The following NHS variants were observed in gnomAD, a reference collection of about 807,000 sequenced individuals.
NHS encodes NHS actin remodeling regulator, also known as actin remodeling regulator NHS.
In NHS, 5 loss-of-function variants were observed where a neutral mutation model predicts 72.5. The observed-to-expected ratio is 0.07, with a 90% CI of 0.04 to 0.14. The LOEUF is 0.14. NHS is among the 10% of genes least tolerant of loss of function. NHS has a pLI of 1.00. For missense variants in NHS, 1,072 were observed against 1,355.7 expected, an observed-to-expected ratio of 0.79 and a Z score of 3.29; for synonymous variants, 464 against 547.7, an observed-to-expected ratio of 0.85 and a Z score of 2.13.
intron 1 of NHS, among the ~76,000 whole-genome samples, chrX:17,498,340 C>T (rs1432825375): frequency 9.0e-6 from 1 of 110,965 alleles, no homozygotes; most frequent in East Asian, 2.9e-4. Flanking sequence ...GAGAGATATC[C>T]CTTTGATGGC....
intron 1 of NHS, among the ~76,000 whole-genome samples, chrX:17,630,916 G>A (rs1391591126): frequency 8.9e-6 from 1 of 112,033 alleles, no homozygotes; most frequent in Non-Finnish European, 1.9e-5. Context: ...TGGGTCTGGA[G>A]TGAGGCCTGA....
chrX:17,402,972 C>G (rs946490566), intron 1 of NHS, among the ~76,000 whole-genome samples: 1 of 112,093 alleles, frequency 8.9e-6, no homozygotes, highest in African/African-American at 3.2e-5. Flanking sequence ...TGGCTGAACA[C>G]AAGAAAACTT....
At chrX:17,531,514 T>A (rs936652530) in intron 1 of NHS, among the ~76,000 whole-genome samples, 1 of 112,261 alleles carries the variant, frequency 8.9e-6, no homozygotes, top group African/African-American at 3.2e-5. Context: ...GTCCAGTCTC[T>A]TTTCTACTAT....
intron 1 of NHS, among the ~76,000 whole-genome samples, chrX:17,541,034 T>G (rs1397880333): frequency 8.9e-6 from 1 of 111,832 alleles, no homozygotes; most frequent in African/African-American, 3.3e-5. Context: ...ATTGCACCAA[T>G]GTACTCCAAC....
At position 17,727,610 on chromosome X, in the gene NHS, C is replaced by T. The variant is rs764054077; in HGVS notation, c.3504C>T (p.Ser1168=). The part of the protein sequence containing the change: ...NNTDLPYLEE[S]TLTTAALSPS... ...CAGATCTCCCTTATTTAGAGGAAAG[C>T]ACACTCACAACGGCTGCCTTGTCTC... The change falls in exon 7 of 9, where the codon AGC becomes AGT. Residue 1168 remains serine (S), a synonymous_variant. Transcript: ENST00000676302. 1 of 1,211,262 alleles carries T rather than the reference C, an allele frequency of 8.3e-7. No homozygotes were observed. The highest frequency in any genetic ancestry group is 1.1e-6 in the Non-Finnish European group (1 of 894,955).
Position 17,721,501 on chromosome X carries a change from A to G in NHS, c.976A>G (p.Ile326Val), listed in dbSNP as rs917356758. The change falls in exon 5 of 9, where the codon ATA becomes GTA. Residue 326 changes from isoleucine to valine, a missense_variant. Coordinates refer to ENST00000676302, the MANE Select transcript of NHS (RefSeq NM_001291867.2). ...GTTAGGGCAGAGGCCGAAAAACCCA[A>G]TACACAATATCCCTTCCACACTGGA... is the stretch of plus-strand genomic sequence containing the variant. ...VMLGQRPKNP[I>V]HNIPSTLDKQ... The G allele has an allele frequency of 5.0e-6, 6 of 1,209,749 alleles. No homozygotes were observed. The highest frequency in any genetic ancestry group is 2.2e-5 in the Admixed American group (1 of 45,672).
At chrX:17,610,981 C>G (rs896908990) in intron 1 of NHS, among the ~76,000 whole-genome samples, 3 of 112,442 alleles carry the variant, frequency 2.7e-5, no homozygotes, top group African/African-American at 9.7e-5. Context: ...CATTTAGAAA[C>G]TTTTACTGGC....
At chrX:17,516,571 G>GCA (rs765423925) in intron 1 of NHS, among the ~76,000 whole-genome samples, 20,894 of 91,513 alleles carry the variant, frequency 0.23, 2,182 homozygotes, top group South Asian at 0.33. Context: ...ACACACACGC[G>GCA]CACACACACA....
intron 1 of NHS, among the ~76,000 whole-genome samples, chrX:17,400,130 A>G (rs963020395): frequency 8.9e-6 from 1 of 111,983 alleles, no homozygotes; most frequent in African/African-American, 3.2e-5. Context: ...AAGCATCTTT[A>G]CTCACAGATG....
At chrX:17,457,038 G>A (rs1296545159) in intron 1 of NHS, among the ~76,000 whole-genome samples, 4 of 111,935 alleles carry the variant, frequency 3.6e-5, no homozygotes, top group African/African-American at 1.3e-4. Flanking sequence ...GATGAAGATA[G>A]TGTTGATAAT....
intron 1 of NHS, among the ~76,000 whole-genome samples, chrX:17,457,601 G>C (rs1259997620): frequency 9.0e-6 from 1 of 111,662 alleles, no homozygotes; most frequent in Non-Finnish European, 1.9e-5. Flanking sequence ...ATGAGCTTTG[G>C]AGGAAACAAA....
intron 1 of NHS, among the ~76,000 whole-genome samples, chrX:17,500,182 G>C (rs2065031024): frequency 8.9e-6 from 1 of 112,122 alleles, no homozygotes; most frequent in African/African-American, 3.2e-5. Flanking sequence ...CTGATAACCA[G>C]GATAAGTGGC....
At chrX:17,396,873 C>T in intron 1 of NHS, among the ~76,000 whole-genome samples, 1 of 111,510 alleles carries the variant, frequency 9.0e-6, no homozygotes, top group Admixed American at 9.5e-5. Flanking sequence ...TATTGCTTTA[C>T]CCCAGCAATG....
At chrX:17,488,896 C>T (rs928828780) in intron 1 of NHS, among the ~76,000 whole-genome samples, 22 of 110,635 alleles carry the variant, frequency 2.0e-4, no homozygotes, top group Non-Finnish European at 2.6e-4. Flanking sequence ...CACCCATCAA[C>T]CCGTCATCTA....
At chrX:17,565,266 C>T (rs1325780179) in intron 1 of NHS, among the ~76,000 whole-genome samples, 2 of 111,624 alleles carry the variant, frequency 1.8e-5, no homozygotes, top group Non-Finnish European at 3.8e-5. Context: ...CGGCCAGCAC[C>T]ACTAACCAGG....
At chrX:17,486,266 C>T (rs1429522389) in intron 1 of NHS, among the ~76,000 whole-genome samples, 7 of 112,095 alleles carry the variant, frequency 6.2e-5, no homozygotes, top group Admixed American at 2.8e-4. Flanking sequence ...TAAGATTTAA[C>T]ATTACAACCT....
chrX:17,379,102 C>A (rs1276966853), intron 1 of NHS, among the ~76,000 whole-genome samples: 1 of 110,066 alleles, frequency 9.1e-6, no homozygotes, highest in East Asian at 2.9e-4. Flanking sequence ...GCCTTCACAC[C>A]ACCTGTATAT....
chrX:17,508,221 A>G (rs764299835), intron 1 of NHS, among the ~76,000 whole-genome samples: 1 of 108,743 alleles, frequency 9.2e-6, no homozygotes, highest in South Asian at 4.1e-4. Flanking sequence ...CAGCCACCCC[A>G]CCATTCCCAT....
intron 1 of NHS, among the ~76,000 whole-genome samples, chrX:17,661,282 T>G (rs1243279167): frequency 9.0e-6 from 1 of 111,663 alleles, no homozygotes; most frequent in East Asian, 2.8e-4. Flanking sequence ...ACTTTTAAGT[T>G]CTGGGATACA....
Sources: gnomAD v4.1 joint callset for allele counts (sites outside exome capture counted in the v4.1 genomes callset) on GRCh38, gnomAD v4.1.1 for gene constraint, MANE v1.5 for transcripts, NCBI Gene and HGNC (gene_info 2026-07-23, HGNC 2026-07-21) for gene names.